SETBP1: variants seen among roughly 807,000 people sequenced by gnomAD.
The protein encoded by SETBP1 is SET-binding protein.
In SETBP1, 9 loss-of-function variants were observed where a neutral mutation model predicts 101.0. That is an observed-to-expected ratio of 0.09 (90% CI 0.05 to 0.16). The LOEUF is 0.16. SETBP1 is among the 10% of genes least tolerant of loss of function. SETBP1 has a pLI of 1.00. For missense variants in SETBP1, 1,858 were observed against 2,033.8 expected (o/e 0.91, Z 1.66); for synonymous variants, 818 against 788.5 (o/e 1.04, Z -0.63).
chr18:44,996,917 A>T (rs2072509267), intron 4 of SETBP1, among the ~76,000 whole-genome samples: 1 of 152,234 alleles, frequency 6.6e-6, no homozygotes, highest in Admixed American at 6.5e-5. Flanking sequence ...CTGTGCAAAA[A>T]GCAGTGAGAT....
intron 2 of SETBP1, among the ~76,000 whole-genome samples, chr18:44,705,386 C>T (rs765348671): frequency 1.3e-5 from 2 of 152,050 alleles, no homozygotes; most frequent in Admixed American, 6.6e-5. Context: ...ACTCTCTGAT[C>T]CTTACAAAAA....
At chr18:44,692,112 G>T (rs1334752519) in intron 1 of SETBP1, among the ~76,000 whole-genome samples, 1 of 152,210 alleles carries the variant, frequency 6.6e-6, no homozygotes, top group Non-Finnish European at 1.5e-5. Context: ...GGAGGAGGTT[G>T]GTCTTCAACT....
intron 1 of SETBP1, among the ~76,000 whole-genome samples, chr18:44,682,755 C>T (rs2068779651): frequency 6.6e-6 from 1 of 152,076 alleles, no homozygotes; most frequent in Non-Finnish European, 1.5e-5. Context: ...GACCAGGTAC[C>T]CAGAGTGTTG....
In SETBP1 at chr18:44,950,751, A is replaced by G. The variant is rs576867517; in HGVS notation, c.1411A>G (p.Ile471Val). Residue 471 changes from isoleucine to valine, a missense_variant, in exon 4 of 6, where the codon ATA (isoleucine) becomes GTA (valine). Ile to Val is a conservative substitution (Grantham distance 29). This residue lies in a region of SETBP1 where 581 missense variants were observed against 535.1 expected (regional missense o/e 1.09). Transcript: ENST00000649279. ...DPRVPKLSKM[I>V]ENESPSVGLE... ...CCGTGTCCCTAAGTTGAGTAAAATG[A>G]TAGAGAATGAGTCCCCCTCAGTTGG... The G allele has an allele frequency of 6.2e-7, 1 of 1,614,158 alleles. No individual in the cohort carries two copies. The highest frequency in any genetic ancestry group is 1.3e-5 in the African/African-American group (1 of 75,024).
At chr18:44,997,520 C>T (rs1042954315) in intron 4 of SETBP1, among the ~76,000 whole-genome samples, 4 of 152,132 alleles carry the variant, frequency 2.6e-5, no homozygotes, top group African/African-American at 9.7e-5. Flanking sequence ...AGGTAGAGGT[C>T]ACTATACAAT....
chr18:44,986,029 T>C (rs2072224948), intron 4 of SETBP1: 1 of 152,196 alleles, frequency 6.6e-6, no homozygotes, highest in African/African-American at 2.4e-5. Flanking sequence ...AAGGAACAAC[T>C]ACAAAATGAT....
intron 2 of SETBP1, among the ~76,000 whole-genome samples, chr18:44,713,422 T>G (rs2069389732): frequency 6.6e-6 from 1 of 152,178 alleles, no homozygotes; most frequent in Non-Finnish European, 1.5e-5. Flanking sequence ...TTTTATAGCC[T>G]AGATATTTCC....
rs2071270221 is a variant in SETBP1, at chr18:44,948,746, G to T, written c.541-1135G>T. On this transcript the variant is annotated intron_variant, in intron 3 of 5. Transcript: ENST00000649279. ...AGTATCATGGCTTAAAATTCATCTGGAACAGTGAAAGCATATTTTTATTAA... is the reference window on the plus strand; with the variant it reads ...AGTATCATGGCTTAAAATTCATCTGTAACAGTGAAAGCATATTTTTATTAA... 2.0e-5 allele frequency among the ~76,000 whole-genome samples: 3 copies of T among 152,162 alleles called. No individual in the cohort carries two copies. In the South Asian group the frequency reaches 6.2e-4, roughly 32 times the overall value.
chr18:44,976,942 G>A (rs1430983952), intron 4 of SETBP1, among the ~76,000 whole-genome samples: 1 of 152,196 alleles, frequency 6.6e-6, no homozygotes, highest in African/African-American at 2.4e-5. Flanking sequence ...TTCAGTTTCT[G>A]TATCTCTAAA....
intron 2 of SETBP1, among the ~76,000 whole-genome samples, chr18:44,852,154 A>G (rs947115125): frequency 1.3e-5 from 2 of 152,236 alleles, no homozygotes; most frequent in Admixed American, 1.3e-4. Context: ...TGAGATGCAC[A>G]GGCACAGGCT....
intron 1 of SETBP1, among the ~76,000 whole-genome samples, chr18:44,682,921 G>A (rs1233412460): frequency 5.3e-5 from 8 of 151,956 alleles, no homozygotes; most frequent in African/African-American, 1.9e-4. Flanking sequence ...GGTGGTGAGC[G>A]AATGCACCAC....
chr18:44,833,123 T>C (rs1182144191), intron 2 of SETBP1, among the ~76,000 whole-genome samples: 1 of 152,240 alleles, frequency 6.6e-6, no homozygotes, highest in African/African-American at 2.4e-5. Flanking sequence ...GCCAAGTGCC[T>C]AGGCTAGCAC....
intron 2 of SETBP1, among the ~76,000 whole-genome samples, chr18:44,835,644 C>A (rs754001205): frequency 2.0e-5 from 3 of 152,142 alleles, no homozygotes; most frequent in Non-Finnish European, 4.4e-5. Context: ...GTTTAGGGAT[C>A]CACCTTGTCT....
chr18:44,908,727 G>A (rs921392800), intron 3 of SETBP1, among the ~76,000 whole-genome samples: 1 of 152,050 alleles, frequency 6.6e-6, no homozygotes, highest in Non-Finnish European at 1.5e-5. Context: ...CTGTAGAAAG[G>A]CTCTCCTAGA....
At chr18:44,973,852 A>G (rs1252780850) in intron 4 of SETBP1, among the ~76,000 whole-genome samples, 2 of 152,080 alleles carry the variant, frequency 1.3e-5, no homozygotes, top group Non-Finnish European at 2.9e-5. Flanking sequence ...TTAAGACTGC[A>G]TTTTCGGATA....
intron 3 of SETBP1, among the ~76,000 whole-genome samples, chr18:44,938,957 C>CCTGT (rs1568227437): frequency 1.1e-5 from 1 of 87,818 alleles, no homozygotes; most frequent in Non-Finnish European, 2.3e-5. Flanking sequence ...GGAGTGTGTG[C>CCTGT]ATGTGTGTGT....
intron 4 of SETBP1, among the ~76,000 whole-genome samples, chr18:44,954,527 A>G (rs915834157): frequency 6.6e-6 from 1 of 152,138 alleles, no homozygotes; most frequent in Non-Finnish European, 1.5e-5. Flanking sequence ...CCTGAAGGCA[A>G]GAATAGTCTA....
intron 4 of SETBP1, among the ~76,000 whole-genome samples, chr18:45,034,127 C>T (rs572085848): frequency 1.2e-4 from 18 of 152,284 alleles, no homozygotes; most frequent in Non-Finnish European, 2.4e-4. Context: ...CCTTCATGAC[C>T]TCTGTGACCT....
intron 3 of SETBP1, among the ~76,000 whole-genome samples, chr18:44,898,779 G>C (rs936099247): frequency 6.6e-6 from 1 of 152,190 alleles, no homozygotes; most frequent in Non-Finnish European, 1.5e-5. Context: ...GGACACACCC[G>C]AGCACCCACA....
Sources: gnomAD v4.1 joint callset for allele counts (sites outside exome capture counted in the v4.1 genomes callset) on GRCh38, gnomAD v4.1.1 for gene constraint, gnomAD v4.1.1 regional missense constraint, MANE v1.5 for transcripts, NCBI Gene and HGNC (gene_info 2026-07-23, HGNC 2026-07-21) for gene names.